Variants in DSCAM observed in about 807,000 individuals in gnomAD.
DSCAM encodes the protein DS cell adhesion molecule.
In DSCAM, 47 loss-of-function variants were observed where a neutral mutation model predicts 217.7. That is an observed-to-expected ratio of 0.22 (90% confidence interval 0.17 to 0.28). The LOEUF is 0.28. Among genes scored for constraint, DSCAM ranks in the 10% least tolerant of loss-of-function variants. The pLI, the probability that DSCAM is intolerant of heterozygous loss-of-function variation, is 1.00. For missense variants in DSCAM, 2,080 were observed against 2,618.3 expected (o/e 0.79, Z 4.49); for synonymous variants, 1,056 against 1,015.3 (o/e 1.04, Z -0.76).
chr21:40,723,618 T>C (rs2090925370), intron 1 of DSCAM, among the ~76,000 whole-genome samples: 1 of 152,208 alleles, frequency 6.6e-6, no homozygotes, highest in African/African-American at 2.4e-5. Flanking sequence ...ACATTTTTTA[T>C]TGAATGCATA....
At chr21:40,656,146 C>A (rs2090073053) in intron 3 of DSCAM, among the ~76,000 whole-genome samples, 1 of 152,204 alleles carries the variant, frequency 6.6e-6, no homozygotes, top group South Asian at 2.1e-4. Context: ...TCAGTCCTAT[C>A]ACATTGGGTT....
chr21:40,138,510 T>C (rs917801439), intron 18 of DSCAM, among the ~76,000 whole-genome samples: 9 of 141,968 alleles, frequency 6.3e-5, no homozygotes, highest in African/African-American at 2.1e-4. Context: ...TGTGTGCATA[T>C]GTATGCGGAG....
At chr21:40,811,386 C>T (rs1167990583) in intron 1 of DSCAM, among the ~76,000 whole-genome samples, 1 of 152,216 alleles carries the variant, frequency 6.6e-6, no homozygotes, top group Non-Finnish European at 1.5e-5. Context: ...TGAATTGACT[C>T]AGTCAAGTAC....
Position 40,681,386 on chromosome 21 carries a change from G to A in DSCAM, c.508+11424C>T, listed in dbSNP as rs573987486. ...GTGTGGCTGCCAGCTGGATGCTGGC[G>A]CCGCCGGGGACAGGGCTGCAGGGAC... On this transcript the variant is annotated intron_variant, in intron 3 of 32. Coordinates refer to ENST00000400454, the MANE Select transcript of DSCAM (RefSeq NM_001389.5). 1.1e-4 allele frequency among the ~76,000 whole-genome samples: 16 copies of A among 152,298 alleles called. No individual in the cohort carries two copies. The South Asian group carries it at 2.5e-3, about 24-fold the overall frequency.
chr21:40,531,052 C>T (rs533701279), intron 3 of DSCAM, among the ~76,000 whole-genome samples: 4 of 152,272 alleles, frequency 2.6e-5, no homozygotes, highest in East Asian at 1.9e-4. Flanking sequence ...CTCGTTCCCA[C>T]GACTATTTTC....
At chr21:40,289,295 G>A (rs80313295) in intron 10 of DSCAM, among the ~76,000 whole-genome samples, 2 of 152,196 alleles carry the variant, frequency 1.3e-5, no homozygotes, top group Non-Finnish European at 2.9e-5. Flanking sequence ...AGCAGAGTGG[G>A]TCACAGGTGA....
intron 15 of DSCAM, among the ~76,000 whole-genome samples, chr21:40,175,281 T>G (rs958425159): frequency 1.3e-5 from 2 of 152,092 alleles, no homozygotes; most frequent in Non-Finnish European, 2.9e-5. Flanking sequence ...GGCTAATTTT[T>G]TTTTGTATTT....
intron 3 of DSCAM, among the ~76,000 whole-genome samples, chr21:40,667,029 C>G (rs556036399): frequency 5.9e-5 from 9 of 152,212 alleles, no homozygotes; most frequent in Non-Finnish European, 1.0e-4. Flanking sequence ...CACAAAGCAA[C>G]ATGGGCAGCA....
intron 3 of DSCAM, among the ~76,000 whole-genome samples, chr21:40,446,847 A>G (rs1018605608): frequency 6.6e-6 from 1 of 152,172 alleles, no homozygotes; most frequent in Non-Finnish European, 1.5e-5. Flanking sequence ...ATAAATCCCT[A>G]TGACTTTCAA....
At chr21:40,727,188 C>T (rs1398940621) in intron 1 of DSCAM, among the ~76,000 whole-genome samples, 3 of 152,178 alleles carry the variant, frequency 2.0e-5, no homozygotes, top group Admixed American at 1.3e-4. Context: ...GCTGAAATCT[C>T]GCCTACAGAG....
chr21:40,026,941 C>T (rs1164305295), intron 32 of DSCAM, among the ~76,000 whole-genome samples: 2 of 152,308 alleles, frequency 1.3e-5, no homozygotes, highest in Admixed American at 6.5e-5. Context: ...GGTTATTTTG[C>T]TCGTTAGTTG....
chr21:40,613,621 A>C lies in DSCAM; in HGVS notation c.508+79189T>G, dbSNP rs558412253. On this transcript the variant is annotated intron_variant, in intron 3 of 32. Coordinates refer to ENST00000400454, the MANE Select transcript of DSCAM (RefSeq NM_001389.5). ...TTGTTAGAATAGAGATCCGGATGTA[A>C]AAGTTGCCCTAGCATGCCGCACTGC... Among the ~76,000 whole-genome samples the C allele has an allele frequency of 2.6e-5, 4 of 152,230 alleles. No individual in the cohort carries two copies. In the South Asian group the frequency reaches 8.3e-4, roughly 32 times the overall value.
intron 3 of DSCAM, among the ~76,000 whole-genome samples, chr21:40,441,257 G>A (rs571619401): frequency 2.6e-4 from 40 of 152,148 alleles, no homozygotes; most frequent in Non-Finnish European, 4.4e-4. Flanking sequence ...GAGCCTTGTT[G>A]TTTATTTAGC....
At chr21:40,306,059 T>C (rs1165073407) in intron 9 of DSCAM, among the ~76,000 whole-genome samples, 1 of 152,022 alleles carries the variant, frequency 6.6e-6, no homozygotes, top group Non-Finnish European at 1.5e-5. Flanking sequence ...CAATATTGAT[T>C]CTTCCTACCC....
At chr21:40,123,275 C>G (rs1305749994) in intron 20 of DSCAM, among the ~76,000 whole-genome samples, 2 of 152,090 alleles carry the variant, frequency 1.3e-5, no homozygotes, top group Non-Finnish European at 2.9e-5. Flanking sequence ...TCAAAGTGGT[C>G]AAGAGGGTAA....
chr21:40,447,016 T>C lies in DSCAM; in HGVS notation c.509-77771A>G, dbSNP rs571452780. 7.2e-5 allele frequency among the ~76,000 whole-genome samples: 11 copies of C among 152,258 alleles called. No homozygotes were observed. In the South Asian group the frequency reaches 1.5e-3, roughly 20 times the overall value. On this transcript the variant is annotated intron_variant, in intron 3 of 32. Transcript: ENST00000400454. ...TCTGCCAAGGTGCCCTCCCGCTTGG[T>C]CACCTCCTTGTGTTCCTGTGCTGTG...
At chr21:40,126,214 G>C (rs552898437) in intron 19 of DSCAM, among the ~76,000 whole-genome samples, 1 of 149,810 alleles carries the variant, frequency 6.7e-6, no homozygotes, top group Non-Finnish European at 1.5e-5. Context: ...ATGAAGGAGG[G>C]AAGAACAAAA....
At chr21:40,198,085 C>T (rs909143000) in intron 11 of DSCAM, among the ~76,000 whole-genome samples, 2 of 152,160 alleles carry the variant, frequency 1.3e-5, no homozygotes, top group African/African-American at 4.8e-5. Context: ...TCCACTTTCT[C>T]AGCTGCAAGG....
At chr21:40,830,197 A>G (rs1185305055) in intron 1 of DSCAM, among the ~76,000 whole-genome samples, 1 of 152,206 alleles carries the variant, frequency 6.6e-6, no homozygotes, top group Non-Finnish European at 1.5e-5. Context: ...AGCCTCAAGA[A>G]GCTTACACTC....
Sources: allele counts gnomAD v4.1 joint callset (sites outside exome capture counted in the v4.1 genomes callset), GRCh38; gene constraint gnomAD v4.1.1; transcripts MANE v1.5; gene names NCBI Gene and HGNC (gene_info 2026-07-23, HGNC 2026-07-21).